The following GSE1 variants were observed in gnomAD, a reference collection of about 807,000 sequenced individuals.
The protein encoded by GSE1 is Gse1 coiled-coil protein.
A neutral mutation model predicts 112.6 loss-of-function variants in GSE1; 32 were observed. The ratio of observed to expected loss-of-function variants is 0.28; its 90% confidence interval spans 0.21 to 0.38. The LOEUF (loss-of-function observed/expected upper bound fraction) is 0.38. GSE1 is among the 10% of genes least tolerant of loss of function. GSE1 has a pLI of 1.00. For missense variants in GSE1, 2,348 were observed against 1,699.2 expected (o/e 1.38, Z -6.71); for synonymous variants, 1,115 against 735.6 (o/e 1.52, Z -8.35).
intron 1 of GSE1, among the ~76,000 whole-genome samples, chr16:85,590,499 CTG>C (rs1210723956): frequency 4.2e-5 from 6 of 144,156 alleles, no homozygotes; most frequent in South Asian, 2.3e-4. Flanking sequence ...ACGCATGGGC[CTG>C]TGTGTGAATG....
intron 1 of GSE1, among the ~76,000 whole-genome samples, chr16:85,331,307 C>T (rs2046334737): frequency 6.9e-6 from 1 of 145,312 alleles, no homozygotes. Flanking sequence ...CACATGCCAC[C>T]ATGCCCAGCT....
At chr16:85,556,053 A>C (rs2045193882) in exon 1 of GSE1, 1 of 984,662 alleles carries the variant, frequency 1.0e-6, no homozygotes, top group Non-Finnish European at 1.2e-6. Context: ...CTTGGTCGTC[A>C]ATTACCTCAT....
intron 1 of GSE1, among the ~76,000 whole-genome samples, chr16:85,220,430 T>C (rs2075371485): frequency 6.6e-6 from 1 of 152,148 alleles, no homozygotes; most frequent in Non-Finnish European, 1.5e-5. Flanking sequence ...CAGCAGACTG[T>C]TTGATTTATT....
intron 1 of GSE1, among the ~76,000 whole-genome samples, chr16:85,259,358 G>A (rs1195682773): frequency 6.6e-6 from 1 of 151,924 alleles, no homozygotes; most frequent in African/African-American, 2.4e-5. Flanking sequence ...TTCCCTCCGT[G>A]CTCCACCCCT....
At chr16:85,555,266 G>C (rs2045143093), upstream of GSE1, 1 of 985,154 alleles carries the variant, frequency 1.0e-6, no homozygotes, top group Admixed American at 6.2e-5. Context: ...GTGCGCTCTC[G>C]CCTCCCCGCT....
rs191497154 is a variant in GSE1 at position 85,494,894 on chromosome 16, G to A, written c.2464+137251G>A. ...GGCAGCCCCCACACAGAAAGGAGGT[G>A]CCGGGCCCTGTCCCCTGCCTCTGCC... On this transcript the variant is annotated intron_variant, in intron 2 of 2. Coordinates refer to the GSE1 transcript ENST00000637419. Among the ~76,000 whole-genome samples, 6 of 152,326 alleles carry A rather than the reference G, an allele frequency of 3.9e-5. No homozygotes were observed. In the East Asian group the frequency reaches 1.2e-3, roughly 29 times the overall value.
In GSE1 at chr16:85,654,298, C is replaced by T. The variant is rs1328702146; in HGVS notation, c.447C>T (p.Ser149=). 1.2e-6 allele frequency: 2 copies of T among 1,604,626 alleles called. No individual in the cohort carries two copies. Among genetic ancestry groups the T allele is most frequent in the South Asian group, 1.1e-5 (1 of 89,980 alleles). Residue 149 remains serine (S), a synonymous_variant, in exon 4 of 16, where the codon AGC becomes AGT. Transcript: ENST00000253458. ...CGCAGGATGCCGGCTCCAGGAGCAGCAGTGGAGGTCGGGAACGCCTCATTG... is the reference window on the plus strand; with the variant it reads ...CGCAGGATGCCGGCTCCAGGAGCAGTAGTGGAGGTCGGGAACGCCTCATTG... ...ESRQDAGSRS[S]SGGRERLIVE...
chr16:85,552,897 A>T (rs2044995725), upstream of GSE1, among the ~76,000 whole-genome samples: 1 of 152,254 alleles, frequency 6.6e-6, no homozygotes, highest in Non-Finnish European at 1.5e-5. Flanking sequence ...CATGTTTGCA[A>T]ATTAATTTTT....
chr16:85,533,495 A>G (rs2044205675), intron 2 of GSE1, among the ~76,000 whole-genome samples: 1 of 152,210 alleles, frequency 6.6e-6, no homozygotes, highest in Admixed American at 6.5e-5. Flanking sequence ...TTTAACATGT[A>G]GTACCTAAAA....
At chr16:85,639,350 A>G (rs1168812394) in intron 2 of GSE1, among the ~76,000 whole-genome samples, 1 of 152,150 alleles carries the variant, frequency 6.6e-6, no homozygotes. Flanking sequence ...CTCTCCTACC[A>G]GGACCTCTTC....
chr16:85,356,906 C>T (rs1030135444), intron 1 of GSE1, among the ~76,000 whole-genome samples: 1 of 152,188 alleles, frequency 6.6e-6, no homozygotes, highest in Non-Finnish European at 1.5e-5. Flanking sequence ...AGGTGCCCGG[C>T]GGCCCAGTCT....
At position 85,634,265 on chromosome 16, in the gene GSE1, CAGTGCTGGCTGAG is replaced by C. The variant is rs1218066153; in HGVS notation, c.226+134_226+146del. On this transcript the variant is annotated intron_variant, in intron 2 of 15. Coordinates refer to ENST00000253458, the MANE Select transcript of GSE1 (RefSeq NM_014615.5). ...CGCCGTGTGCTCTGCATGGAGCAGG[CAGTGCTGGCTGAG>C]CTACAGACCCTGGGCCAGTCCGCCT... 3.4e-5 allele frequency: 22 copies of C among 637,720 alleles called. No homozygotes were observed. In the African/African-American group the frequency reaches 4.1e-4, roughly 12 times the overall value. 39.5% of individuals were successfully genotyped at this position (637,720 alleles called of 1,614,324 possible). A position where few individuals can be genotyped will look rare whatever the true frequency, so the allele number is the denominator to read the frequency against.
intron 2 of GSE1, among the ~76,000 whole-genome samples, chr16:85,488,637 C>G (rs1174991617): frequency 6.6e-6 from 1 of 152,072 alleles, no homozygotes; most frequent in South Asian, 2.1e-4. Context: ...TTCAAGGTGC[C>G]TCAGGAACAG....
chr16:85,188,806 TAAAAA>T (rs11334141), intron 1 of GSE1, among the ~76,000 whole-genome samples: 8 of 138,792 alleles, frequency 5.8e-5, no homozygotes, highest in Non-Finnish European at 1.1e-4. Context: ...ATCTCTATCT[TAAAAA>T]AAAAAAAAAC....
Position 85,576,744 on chromosome 16 carries a change from G to A in GSE1, c.37+20381G>A, listed in dbSNP as rs544544904. Among the ~76,000 whole-genome samples the A allele has an allele frequency of 1.4e-4, 22 of 152,214 alleles. 1 individual carries two copies. The Middle Eastern group carries it at 0.01, about 71-fold the overall frequency. ...AGGGACTAAAAGCAGTTGTGTCCTG[G>A]GGTTGCAAATCTGGGTTCCAGGCTT... On this transcript the variant is annotated intron_variant, in intron 1 of 2. Coordinates refer to the GSE1 transcript ENST00000635906.
At position 85,305,341 on chromosome 16, in the gene GSE1, A is replaced by G. The variant is rs541466822; in HGVS notation, c.2284-52122A>G. On this transcript the variant is annotated intron_variant, in intron 1 of 2. Coordinates refer to the GSE1 transcript ENST00000637419. ...TCTCTGTTGCCGAGGCTGGAGTGCAATGGTACAATCATGGCTCCCTGCAGC... is the reference window on the plus strand; with the variant it reads ...TCTCTGTTGCCGAGGCTGGAGTGCAGTGGTACAATCATGGCTCCCTGCAGC... 5.6e-4 allele frequency among the ~76,000 whole-genome samples: 85 copies of G among 152,150 alleles called. 1 individual carries two copies. Among genetic ancestry groups the G allele is most frequent in the African/African-American group, 1.9e-3 (80 of 41,504 alleles).
rs1208738889 is a variant in GSE1 at position 85,663,022 on chromosome 16, G to A, written c.2302G>A (p.Glu768Lys). The A allele has an allele frequency of 1.2e-6, 2 of 1,613,146 alleles. No homozygotes were observed. The highest frequency in any genetic ancestry group is 1.7e-6 in the Non-Finnish European group (2 of 1,179,618). ...DLDDSYDESD[E>K]EEVRAHLRCV... ...CGATGACTCTTACGACGAGAGCGAT[G>A]AGGAGGAGGTCAGGGCCCACCTCCG... Residue 768 changes from glutamate to lysine, a missense_variant, in exon 10 of 16, where the codon GAG becomes AAG. By Grantham distance (56) the Glu-to-Lys change is moderately conservative (BLOSUM62 1). Coordinates refer to ENST00000253458, the MANE Select transcript of GSE1 (RefSeq NM_014615.5).
intron 1 of GSE1, among the ~76,000 whole-genome samples, chr16:85,583,759 G>A (rs886652666): frequency 2.6e-5 from 4 of 152,176 alleles, no homozygotes; most frequent in South Asian, 4.1e-4. Flanking sequence ...GGCCTCACCC[G>A]CCCCCCGTCC....
At chr16:85,488,186 G>C (rs948167908) in intron 2 of GSE1, among the ~76,000 whole-genome samples, 1 of 152,186 alleles carries the variant, frequency 6.6e-6, no homozygotes, top group African/African-American at 2.4e-5. Context: ...CCTCCCAGGG[G>C]ACATGGGCCC....
Sources: gnomAD v4.1 joint callset for allele counts (sites outside exome capture counted in the v4.1 genomes callset) on GRCh38, gnomAD v4.1.1 for gene constraint, MANE v1.5 for transcripts, NCBI Gene and HGNC (gene_info 2026-07-23, HGNC 2026-07-21) for gene names.